The following DLGAP2 variants were observed in gnomAD, a reference collection of about 807,000 sequenced individuals.
DLGAP2 encodes the protein DLG associated protein 2.
A neutral mutation model predicts 100.3 loss-of-function variants in DLGAP2; 26 were observed. The ratio of observed to expected loss-of-function variants is 0.26; its 90% CI spans 0.19 to 0.36. DLGAP2 has a LOEUF of 0.36. Among genes scored for constraint, DLGAP2 ranks in the 10% least tolerant of loss-of-function variants. The pLI is 1.00. For missense variants in DLGAP2, 1,858 were observed against 1,453.2 expected, an observed-to-expected ratio of 1.28 and a Z score of -4.53; for synonymous variants, 886 against 630.1, an observed-to-expected ratio of 1.41 and a Z score of -6.08.
intron 1 of DLGAP2, among the ~76,000 whole-genome samples, chr8:890,031 G>A (rs1218838878): frequency 6.6e-6 from 1 of 151,938 alleles, no homozygotes; most frequent in Non-Finnish European, 1.5e-5. Context: ...TTCTCGGGTG[G>A]CCCCCTCACC....
intron 3 of DLGAP2, among the ~76,000 whole-genome samples, chr8:1,324,304 C>T (rs1032937243): frequency 1.3e-5 from 2 of 152,178 alleles, no homozygotes; most frequent in East Asian, 3.8e-4. Flanking sequence ...GCCATTTTGT[C>T]CCAGAGAGCA....
intron 1 of DLGAP2, among the ~76,000 whole-genome samples, chr8:771,307 G>C (rs997704441): frequency 6.6e-6 from 1 of 152,190 alleles, no homozygotes; most frequent in Admixed American, 6.5e-5. Flanking sequence ...GAGGCATTTT[G>C]TAAAAGGATC....
At chr8:1,553,113 A>G (rs1484891146) in intron 5 of DLGAP2, among the ~76,000 whole-genome samples, 1 of 152,134 alleles carries the variant, frequency 6.6e-6, no homozygotes, top group Non-Finnish European at 1.5e-5. Context: ...GCGGCATCAG[A>G]TGGAGGGACA....
chr8:737,796 G>C lies in DLGAP2; in HGVS notation c.-12G>C, dbSNP rs1020787689. 7.9e-6 allele frequency: 3 copies of C among 379,178 alleles called. No homozygotes were observed. Among genetic ancestry groups the C allele is most frequent in the Admixed American group, 4.6e-5 (1 of 21,970 alleles). 23.5% of individuals were successfully genotyped at this position (379,178 alleles called of 1,614,324 possible). On this transcript the variant is annotated 5_prime_UTR_variant, in exon 1 of 15. Coordinates refer to ENST00000637795, the MANE Select transcript of DLGAP2 (RefSeq NM_001346810.2). ...TGTCGCCCCGCACCTGCTGAGCCCG[G>C]AGCGTCCGAGGATGTCCGCGCTGAG...
chr8:1,617,628 A>G (rs917396688), intron 6 of DLGAP2, among the ~76,000 whole-genome samples: 2 of 152,150 alleles, frequency 1.3e-5, no homozygotes, highest in Non-Finnish European at 2.9e-5. Context: ...TGTTGGATGC[A>G]TAGTTTGGAA....
At chr8:813,981 G>T (rs114035015) in intron 1 of DLGAP2, among the ~76,000 whole-genome samples, 6,748 of 152,156 alleles carry the variant, frequency 0.044, 248 homozygotes, top group African/African-American at 0.091. Context: ...CCCCTTAAAG[G>T]AGAAAACATA....
intron 3 of DLGAP2, among the ~76,000 whole-genome samples, chr8:1,362,483 C>T (rs1802004974): frequency 2.0e-5 from 3 of 152,108 alleles, no homozygotes; most frequent in African/African-American, 7.2e-5. Context: ...GCGGGGACAC[C>T]CGTCAGTGTC....
chr8:1,383,225 A>G (rs1334891995), intron 3 of DLGAP2, among the ~76,000 whole-genome samples: 1 of 152,234 alleles, frequency 6.6e-6, no homozygotes, highest in Non-Finnish European at 1.5e-5. Context: ...TATTTTGAAA[A>G]AAATAATTAC....
intron 2 of DLGAP2, among the ~76,000 whole-genome samples, chr8:1,010,357 A>C (rs923193082): frequency 6.6e-6 from 1 of 152,014 alleles, no homozygotes; most frequent in Admixed American, 6.6e-5. Flanking sequence ...ACATGCACAC[A>C]CGCACTCATT....
chr8:1,565,983 G>A (rs1802384980), intron 6 of DLGAP2, 89 bp downstream of exon 6: 2 of 1,144,894 alleles, frequency 1.7e-6, no homozygotes, highest in Non-Finnish European at 2.4e-6. Context: ...TGAGCTGAGT[G>A]CCATCCATTT....
chr8:1,096,211 AC>A (rs1804361130), intron 2 of DLGAP2, among the ~76,000 whole-genome samples: 1 of 152,204 alleles, frequency 6.6e-6, no homozygotes, highest in East Asian at 1.9e-4. Flanking sequence ...CCAAACCAGG[AC>A]TGTTGATTAT....
rs558571994 is a variant in DLGAP2 at position 1,506,623 on chromosome 8, C to T, written c.172+5192C>T. 5.9e-5 allele frequency among the ~76,000 whole-genome samples: 9 copies of T among 152,350 alleles called. No individual in the cohort carries two copies. The East Asian group carries it at 9.7e-4, about 16-fold the overall frequency. On this transcript the variant is annotated intron_variant, in intron 4 of 14. Transcript: ENST00000637795. ...GATCTCAGCAGGTTGCCAGTGCCGGCTCAGGCAGACTGCTTTTATTCCCTT... is the reference window on the plus strand; with the variant it reads ...GATCTCAGCAGGTTGCCAGTGCCGGTTCAGGCAGACTGCTTTTATTCCCTT...
chr8:1,223,383 C>T (rs886687225), intron 2 of DLGAP2, among the ~76,000 whole-genome samples: 2 of 152,060 alleles, frequency 1.3e-5, no homozygotes, highest in Non-Finnish European at 2.9e-5. Flanking sequence ...CTCTTCTCCG[C>T]GGTGCTGCAT....
chr8:1,491,195 G>A, intron 3 of DLGAP2, among the ~76,000 whole-genome samples: 1 of 151,164 alleles, frequency 6.6e-6, no homozygotes, highest in Non-Finnish European at 1.5e-5. Context: ...GATGTTGCAT[G>A]AAATATGTGA....
At chr8:1,204,826 A>G (rs956321793) in intron 2 of DLGAP2, among the ~76,000 whole-genome samples, 7 of 152,188 alleles carry the variant, frequency 4.6e-5, no homozygotes, top group African/African-American at 1.7e-4. Flanking sequence ...AGAAGCTTAG[A>G]TTTATGAGGC....
At chr8:878,723 C>T (rs1797729093) in intron 1 of DLGAP2, among the ~76,000 whole-genome samples, 1 of 152,164 alleles carries the variant, frequency 6.6e-6, no homozygotes, top group South Asian at 2.1e-4. Flanking sequence ...GGGTTGCTTT[C>T]CAAGAAGGTG....
chr8:1,370,710 G>A (rs1802217405), intron 3 of DLGAP2, among the ~76,000 whole-genome samples: 1 of 152,170 alleles, frequency 6.6e-6, no homozygotes, highest in Non-Finnish European at 1.5e-5. Flanking sequence ...CTCCACTCTT[G>A]CATTCTCTTT....
chr8:797,907 C>A (rs1319177931), intron 1 of DLGAP2, among the ~76,000 whole-genome samples: 1 of 152,106 alleles, frequency 6.6e-6, no homozygotes, highest in African/African-American at 2.4e-5. Flanking sequence ...CCTGCCACCA[C>A]ACCTGGCTAA....
chr8:1,511,664 G>A (rs570870520), intron 4 of DLGAP2, among the ~76,000 whole-genome samples: 1 of 151,224 alleles, frequency 6.6e-6, no homozygotes, highest in Non-Finnish European at 1.5e-5. Flanking sequence ...GGACGTAAGG[G>A]CTGTCTAGTG....
Sources: allele counts gnomAD v4.1 joint callset (sites outside exome capture counted in the v4.1 genomes callset), GRCh38; gene constraint gnomAD v4.1.1; transcripts MANE v1.5; gene names NCBI Gene and HGNC (gene_info 2026-07-23, HGNC 2026-07-21).